The following PDLIM5 variants were observed in gnomAD, a reference collection of about 807,000 sequenced individuals.
PDLIM5 encodes PDZ and LIM domain 5.
A neutral mutation model predicts 64.2 loss-of-function variants in PDLIM5; 34 were observed. That is an observed-to-expected ratio of 0.53 (90% confidence interval 0.40 to 0.71). The LOEUF (loss-of-function observed/expected upper bound fraction) is 0.71. Ranked by LOEUF, PDLIM5 falls within the 30% of genes least tolerant of loss-of-function variation. PDLIM5 has a pLI of 0.00. For synonymous variants in PDLIM5, 253 were observed against 269.1 expected (o/e 0.94, Z 0.59); for missense variants, 683 against 733.6 (o/e 0.93, Z 0.80).
intron 2 of PDLIM5, among the ~76,000 whole-genome samples, chr4:94,501,239 A>T (rs1317146863): frequency 6.6e-6 from 1 of 151,776 alleles, no homozygotes; most frequent in Non-Finnish European, 1.5e-5. Context: ...TGCCTGGCTA[A>T]TCTTTTTAAT....
intron 2 of PDLIM5, among the ~76,000 whole-genome samples, chr4:94,504,340 T>A (rs1453562574): frequency 6.6e-6 from 1 of 151,694 alleles, no homozygotes; most frequent in African/African-American, 2.4e-5. Context: ...CAGGTTGGAG[T>A]GCGGTGGCAC....
intron 2 of PDLIM5, among the ~76,000 whole-genome samples, chr4:94,481,362 T>G (rs1725832458): frequency 6.7e-6 from 1 of 150,068 alleles, no homozygotes; most frequent in African/African-American, 2.5e-5. Context: ...CGATCTCAGC[T>G]CACTGCAACC....
intron 3 of PDLIM5, among the ~76,000 whole-genome samples, chr4:94,565,876 TA>T (rs1195027787): frequency 1.3e-5 from 2 of 152,192 alleles, no homozygotes; most frequent in African/African-American, 2.4e-5. Context: ...ACTCTATAGA[TA>T]GGCAGATATA....
chr4:94,514,090 T>A (rs1729138460), intron 2 of PDLIM5, among the ~76,000 whole-genome samples: 2 of 151,942 alleles, frequency 1.3e-5, no homozygotes, highest in Admixed American at 6.6e-5. Context: ...TCATGGTGAA[T>A]GATCTTTCTA....
chr4:94,610,946 C>A, intron 7 of PDLIM5: 1 of 656,720 alleles, frequency 1.5e-6, no homozygotes, highest in East Asian at 2.9e-5. Context: ...TCCCCTCCTT[C>A]TTCCTCTCTC....
At chr4:94,645,459 A>G (rs1265933410) in intron 9 of PDLIM5, among the ~76,000 whole-genome samples, 8 of 152,226 alleles carry the variant, frequency 5.3e-5, no homozygotes, top group Admixed American at 5.2e-4. Context: ...ATGGAAATAC[A>G]GAGGCTTAGA....
At chr4:94,490,891 T>G (rs1454318113) in intron 2 of PDLIM5, among the ~76,000 whole-genome samples, 1 of 152,186 alleles carries the variant, frequency 6.6e-6, no homozygotes, top group Non-Finnish European at 1.5e-5. Context: ...TACTTTTCAG[T>G]TCCATGACTA....
chr4:94,608,747 A>G (rs987838698), intron 7 of PDLIM5, among the ~76,000 whole-genome samples: 1 of 152,224 alleles, frequency 6.6e-6, no homozygotes, highest in African/African-American at 2.4e-5. Flanking sequence ...TATGTCTCCA[A>G]ATAGTAACCA....
At chr4:94,494,350 T>C (rs1225498207) in intron 2 of PDLIM5, among the ~76,000 whole-genome samples, 2 of 151,466 alleles carry the variant, frequency 1.3e-5, no homozygotes, top group African/African-American at 4.8e-5. Context: ...TCAATCAATA[T>C]GGCCCTTCTT....
At chr4:94,624,900 C>T (rs1739544080) in intron 8 of PDLIM5, among the ~76,000 whole-genome samples, 1 of 152,194 alleles carries the variant, frequency 6.6e-6, no homozygotes. Flanking sequence ...CAAAATCAGA[C>T]TTGCATTATT....
chr4:94,542,623 A>G lies in PDLIM5; in HGVS notation c.248+18748A>G, dbSNP rs567961909. Among the ~76,000 whole-genome samples the G allele has an allele frequency of 1.7e-4, 26 of 152,308 alleles. 1 individual carries two copies. In the South Asian group the frequency reaches 5.2e-3, roughly 30 times the overall value. ...TAGAAGAAGAAATTGTTGTGCTTCA[A>G]TAGTGTATACTGTCCTACACAAGCA... On this transcript the variant is annotated intron_variant, in intron 3 of 12. Coordinates refer to ENST00000317968, the MANE Select transcript of PDLIM5 (RefSeq NM_006457.5).
At chr4:94,632,620 G>T (rs1230635729) in intron 8 of PDLIM5, among the ~76,000 whole-genome samples, 1 of 152,134 alleles carries the variant, frequency 6.6e-6, no homozygotes, top group African/African-American at 2.4e-5. Context: ...ATGGCAAAAA[G>T]GAATTAAGTT....
At chr4:94,577,603 T>A (rs922473710) in intron 5 of PDLIM5, among the ~76,000 whole-genome samples, 10 of 126,932 alleles carry the variant, frequency 7.9e-5, no homozygotes, top group Admixed American at 1.6e-4. Context: ...TTTTTTTTTT[T>A]AGTATGTTTA....
chr4:94,590,020 G>T (rs182187002), intron 7 of PDLIM5, among the ~76,000 whole-genome samples: 42 of 151,996 alleles, frequency 2.8e-4, no homozygotes, highest in African/African-American at 1.0e-3. Context: ...CCAGTTATCC[G>T]CCTGTGCCTC....
intron 2 of PDLIM5, among the ~76,000 whole-genome samples, chr4:94,462,687 T>C (rs1044518944): frequency 6.6e-6 from 1 of 152,148 alleles, no homozygotes; most frequent in Non-Finnish European, 1.5e-5. Flanking sequence ...TTCCTAGAAA[T>C]GGAATTGATG....
chr4:94,589,346 T>G (rs1736494584), intron 7 of PDLIM5, among the ~76,000 whole-genome samples: 1 of 152,206 alleles, frequency 6.6e-6, no homozygotes, highest in Non-Finnish European at 1.5e-5. Flanking sequence ...AAAATAAAAA[T>G]TTATTACCTT....
chr4:94,463,187 T>C (rs1724051312), intron 2 of PDLIM5, among the ~76,000 whole-genome samples: 1 of 152,224 alleles, frequency 6.6e-6, no homozygotes, highest in Admixed American at 6.5e-5. Flanking sequence ...TCACATTTAA[T>C]AGATTCAAAG....
At chr4:94,564,163 C>T (rs573065772) in intron 3 of PDLIM5, among the ~76,000 whole-genome samples, 1 of 152,098 alleles carries the variant, frequency 6.6e-6, no homozygotes, top group East Asian at 1.9e-4. Flanking sequence ...AGGGTTTCAC[C>T]ATGTTGGCCA....
chr4:94,490,198 AAAT>A (rs751708401), intron 2 of PDLIM5, among the ~76,000 whole-genome samples: 2 of 152,138 alleles, frequency 1.3e-5, no homozygotes, highest in East Asian at 1.9e-4. Context: ...AACAATTTCA[AAAT>A]AATGTAAACA....
Sources: allele counts gnomAD v4.1 joint callset (sites outside exome capture counted in the v4.1 genomes callset), GRCh38; gene constraint gnomAD v4.1.1; transcripts MANE v1.5; gene names NCBI Gene and HGNC (gene_info 2026-07-23, HGNC 2026-07-21).